The following SNX29 variants were observed in gnomAD, a reference collection of about 807,000 sequenced individuals.
SNX29 encodes sorting nexin 29.
Under a neutral mutation model 102.1 loss-of-function variants are expected in SNX29, and 78 were observed. That is an observed-to-expected ratio of 0.76 (90% CI 0.64 to 0.92). The LOEUF (loss-of-function observed/expected upper bound fraction) is 0.92, where lower values mean the gene tolerates loss of function less well. SNX29 is among the 40% of genes least tolerant of loss of function. The pLI is 0.00. For missense variants in SNX29, 1,280 were observed against 1,061.7 expected (o/e 1.21, Z -2.86); for synonymous variants, 580 against 414.5 (o/e 1.40, Z -4.85).
chr16:12,415,525 C>A (rs1467855212), intron 18 of SNX29, among the ~76,000 whole-genome samples: 1 of 152,226 alleles, frequency 6.6e-6, no homozygotes, highest in African/African-American at 2.4e-5. Flanking sequence ...ATGAATTAAT[C>A]CACCCATGAA....
At chr16:12,522,865 C>A (rs556694234) in intron 19 of SNX29, among the ~76,000 whole-genome samples, 1 of 152,146 alleles carries the variant, frequency 6.6e-6, no homozygotes, top group South Asian at 2.1e-4. Context: ...GGGTGGAATG[C>A]GGTGGTGTGA....
intron 11 of SNX29, among the ~76,000 whole-genome samples, chr16:12,091,039 G>GAAAAAAAA (rs769027308): frequency 1.8e-5 from 2 of 111,180 alleles, no homozygotes; most frequent in African/African-American, 7.3e-5. Flanking sequence ...AAAAAAAAAA[G>GAAAAAAAA]AAAGAAAAAG....
chr16:12,365,644 T>C (rs2082445654), intron 16 of SNX29, among the ~76,000 whole-genome samples: 1 of 147,598 alleles, frequency 6.8e-6, no homozygotes, highest in Non-Finnish European at 1.5e-5. Context: ...TGAGCCGAGA[T>C]CACGCAACTA....
At chr16:12,227,025 G>A (rs532931868) in intron 14 of SNX29, among the ~76,000 whole-genome samples, 82 of 152,346 alleles carry the variant, frequency 5.4e-4, no homozygotes, top group African/African-American at 2.0e-3. Context: ...CCAATGCTCA[G>A]ATAAGTTGGG....
Position 12,254,239 on chromosome 16 carries a change from G to C in SNX29, c.1679-23694G>C, listed in dbSNP as rs184658516. On this transcript the variant is annotated intron_variant, in intron 14 of 20. Transcript: ENST00000566228. The stretch of plus-strand genomic sequence containing the variant: ...CAATACCGAATGGAACACATTGAGG[G>C]TATTGAAAGCCCCAAAACTGGATAA... Among the ~76,000 whole-genome samples the C allele has an allele frequency of 3.9e-4, 60 of 152,256 alleles. No homozygotes were observed. In the East Asian group the frequency reaches 0.011, roughly 29 times the overall value.
At chr16:12,174,152 T>C (rs962791387) in intron 13 of SNX29, among the ~76,000 whole-genome samples, 2 of 152,230 alleles carry the variant, frequency 1.3e-5, no homozygotes, top group Non-Finnish European at 2.9e-5. Flanking sequence ...GGGAACTGCA[T>C]GTTCCTGTTA....
At chr16:12,306,573 G>A (rs796245000) in intron 15 of SNX29, among the ~76,000 whole-genome samples, 1 of 152,180 alleles carries the variant, frequency 6.6e-6, no homozygotes, top group Non-Finnish European at 1.5e-5. Flanking sequence ...AAATGCCTTT[G>A]AATACGTGTT....
chr16:12,418,919 C>G (rs1395641306), intron 18 of SNX29, among the ~76,000 whole-genome samples: 2 of 152,180 alleles, frequency 1.3e-5, no homozygotes, highest in African/African-American at 4.8e-5. Context: ...CTCTCCTTGC[C>G]AGGAGCGGCA....
At chr16:12,132,290 G>T (rs563098543) in intron 13 of SNX29, among the ~76,000 whole-genome samples, 2 of 152,192 alleles carry the variant, frequency 1.3e-5, no homozygotes, top group East Asian at 3.9e-4. Context: ...AGTAGAGATG[G>T]GGTTTCACTA....
intron 13 of SNX29, among the ~76,000 whole-genome samples, chr16:12,139,701 T>C (rs1260238225): frequency 1.3e-5 from 2 of 152,000 alleles, no homozygotes; most frequent in Non-Finnish European, 2.9e-5. Context: ...TCTTACCATA[T>C]AGAGGCCAGG....
At chr16:12,264,345 C>A (rs1468378544) in intron 14 of SNX29, among the ~76,000 whole-genome samples, 1 of 152,240 alleles carries the variant, frequency 6.6e-6, no homozygotes, top group African/African-American at 2.4e-5. Flanking sequence ...TTCTTAAGGG[C>A]AGGCTGCACA....
intron 18 of SNX29, among the ~76,000 whole-genome samples, chr16:12,440,177 G>T (rs2085736338): frequency 6.6e-6 from 1 of 152,184 alleles, no homozygotes; most frequent in South Asian, 2.1e-4. Context: ...CCCTCCCCTT[G>T]CCTTGAGCTT....
Position 12,153,178 on chromosome 16 carries a change from G to A in SNX29, c.1595+23420G>A, listed in dbSNP as rs573177493. Among the ~76,000 whole-genome samples the A allele has an allele frequency of 9.2e-5, 14 of 152,294 alleles. No homozygotes were observed. In the East Asian group the frequency reaches 1.7e-3, roughly 19 times the overall value. ...TTTGGGAGGCCAAGGCAGGAAGATC[G>A]CTTGAGCCCAGGAGTTCGAGGTTGC... On this transcript the variant is annotated intron_variant, in intron 13 of 20. Coordinates refer to ENST00000566228, the MANE Select transcript of SNX29 (RefSeq NM_032167.5).
intron 14 of SNX29, among the ~76,000 whole-genome samples, chr16:12,238,168 C>T (rs2077993265): frequency 6.6e-6 from 1 of 151,950 alleles, no homozygotes. Flanking sequence ...CATATGAAAC[C>T]TAAGATTTAC....
intron 4 of SNX29, among the ~76,000 whole-genome samples, chr16:12,033,061 GC>G (rs1298125792): frequency 6.6e-6 from 1 of 151,918 alleles, no homozygotes; most frequent in African/African-American, 2.4e-5. Context: ...CACCACGTTG[GC>G]CAGGCTGGTC....
At chr16:12,499,712 C>T (rs376984175) in intron 19 of SNX29, among the ~76,000 whole-genome samples, 28 of 152,318 alleles carry the variant, frequency 1.8e-4, no homozygotes, top group Middle Eastern at 3.4e-3. Flanking sequence ...CTCACTCTGT[C>T]GCCCAGGCTG....
intron 20 of SNX29, among the ~76,000 whole-genome samples, chr16:12,545,909 T>TA (rs2077577645): frequency 6.6e-6 from 1 of 152,168 alleles, no homozygotes; most frequent in African/African-American, 2.4e-5. Context: ...TGGAGCATTC[T>TA]AGGTGTTCGG....
At chr16:12,536,764 C>T (rs890475691) in intron 20 of SNX29, among the ~76,000 whole-genome samples, 5 of 152,090 alleles carry the variant, frequency 3.3e-5, no homozygotes, top group Non-Finnish European at 7.4e-5. Context: ...GATCAGGAGG[C>T]CAGGAGTTTC....
chr16:12,539,490 G>A (rs761777766), intron 20 of SNX29, among the ~76,000 whole-genome samples: 16 of 152,198 alleles, frequency 1.1e-4, no homozygotes, highest in Non-Finnish European at 2.1e-4. Context: ...TAGTCATAAA[G>A]GAATAAAGTT....
Sources: gnomAD v4.1 joint callset for allele counts (sites outside exome capture counted in the v4.1 genomes callset) on GRCh38, gnomAD v4.1.1 for gene constraint, MANE v1.5 for transcripts, NCBI Gene and HGNC (gene_info 2026-07-23, HGNC 2026-07-21) for gene names.